Variants in GRID1 observed in about 807,000 individuals in gnomAD.
GRID1 encodes glutamate ionotropic receptor delta type subunit 1.
In GRID1, 28 loss-of-function variants were observed where a neutral mutation model predicts 98.0. The observed-to-expected ratio is 0.29, with a 90% CI of 0.21 to 0.39. GRID1 has a LOEUF of 0.39. Ranked by LOEUF, GRID1 falls within the 10% of genes least tolerant of loss-of-function variation. The pLI is 1.00. For synonymous variants in GRID1, 553 were observed against 538.5 expected (o/e 1.03, Z -0.37); for missense variants, 1,111 against 1,340.5 (o/e 0.83, Z 2.67).
intron 4 of GRID1, among the ~76,000 whole-genome samples, chr10:85,966,644 G>A (rs1050607775): frequency 6.6e-6 from 1 of 151,910 alleles, no homozygotes; most frequent in Non-Finnish European, 1.5e-5. Context: ...CAAAACCCTA[G>A]CTCTACTAAA....
At chr10:86,223,069 G>A (rs2132030742) in intron 2 of GRID1, among the ~76,000 whole-genome samples, 1 of 152,322 alleles carries the variant, frequency 6.6e-6, no homozygotes, top group African/African-American at 2.4e-5. Context: ...TGCTTCTGGG[G>A]AGCACTATGG....
chr10:86,029,817 A>C (rs544250958), intron 4 of GRID1, among the ~76,000 whole-genome samples: 1 of 152,320 alleles, frequency 6.6e-6, no homozygotes, highest in African/African-American at 2.4e-5. Flanking sequence ...GAAAGTGAGT[A>C]GGGTGTCCAT....
chr10:86,268,592 C>T (rs1847140297), intron 2 of GRID1, among the ~76,000 whole-genome samples: 1 of 152,236 alleles, frequency 6.6e-6, no homozygotes, highest in African/African-American at 2.4e-5. Flanking sequence ...AGGCCACCAA[C>T]ACCATTTGCT....
At chr10:86,104,850 G>T (rs1254787424) in intron 4 of GRID1, among the ~76,000 whole-genome samples, 1 of 152,190 alleles carries the variant, frequency 6.6e-6, no homozygotes, top group Admixed American at 6.5e-5. Context: ...TTCATGCATG[G>T]CCGATGAAGT....
intron 5 of GRID1, among the ~76,000 whole-genome samples, chr10:85,895,012 AAAAAAT>A (rs945590456): frequency 8.6e-6 from 1 of 115,966 alleles, no homozygotes; most frequent in African/African-American, 3.0e-5. Context: ...AAAAAAAAAA[AAAAAAT>A]ATATATATAT....
chr10:85,778,360 A>G (rs954245), intron 8 of GRID1, among the ~76,000 whole-genome samples: 99,426 of 151,924 alleles, frequency 0.65, 32,828 homozygotes, highest in East Asian at 0.86. Context: ...GCAGGGGTTG[A>G]GAGGTGGGGA....
intron 4 of GRID1, among the ~76,000 whole-genome samples, chr10:86,001,009 A>G (rs952412686): frequency 1.6e-4 from 25 of 152,282 alleles, no homozygotes; most frequent in Admixed American, 8.5e-4. Context: ...CTACTCTGCA[A>G]TTTTTTAAAA....
intron 8 of GRID1, among the ~76,000 whole-genome samples, chr10:85,734,550 T>C (rs1264834807): frequency 6.6e-6 from 1 of 152,162 alleles, no homozygotes; most frequent in Non-Finnish European, 1.5e-5. Flanking sequence ...TGTACCCTGA[T>C]AAAGCAAGAA....
chr10:86,208,682 C>T (rs530820964), intron 2 of GRID1, among the ~76,000 whole-genome samples: 1 of 152,342 alleles, frequency 6.6e-6, no homozygotes, highest in South Asian at 2.1e-4. Flanking sequence ...GCCTGTGTTA[C>T]TGGCTGGCTC....
At chr10:85,707,969 C>T (rs1302120889) in intron 12 of GRID1, among the ~76,000 whole-genome samples, 4 of 148,560 alleles carry the variant, frequency 2.7e-5, no homozygotes, top group African/African-American at 5.0e-5. Flanking sequence ...GTTGTGGGGT[C>T]GGGGGTGTGG....
chr10:85,650,737 G>A (rs545709148), intron 12 of GRID1, among the ~76,000 whole-genome samples: 6 of 152,318 alleles, frequency 3.9e-5, no homozygotes, highest in South Asian at 2.1e-4. Context: ...TAGAGGCAGC[G>A]AGATGGAGAA....
intron 4 of GRID1, among the ~76,000 whole-genome samples, chr10:85,994,791 A>C (rs1419287297): frequency 6.6e-6 from 1 of 152,238 alleles, no homozygotes; most frequent in African/African-American, 2.4e-5. Context: ...GAGACAGCCT[A>C]CTATGGACCA....
chr10:85,642,617 T>A (rs1259231226), intron 13 of GRID1, among the ~76,000 whole-genome samples: 2 of 152,200 alleles, frequency 1.3e-5, no homozygotes, highest in Non-Finnish European at 2.9e-5. Context: ...CAGGCAGGTT[T>A]GTTGTGAAAA....
At chr10:86,212,265 C>T (rs1254032243) in intron 2 of GRID1, among the ~76,000 whole-genome samples, 5 of 152,204 alleles carry the variant, frequency 3.3e-5, no homozygotes, top group Non-Finnish European at 5.9e-5. Context: ...GGCATCGCTC[C>T]GCAGGCTTGC....
intron 8 of GRID1, among the ~76,000 whole-genome samples, chr10:85,850,473 C>A (rs1283593739): frequency 6.6e-6 from 1 of 152,240 alleles, no homozygotes; most frequent in Non-Finnish European, 1.5e-5. Context: ...ACATCTGCTG[C>A]CAGGCATAGA....
chr10:86,007,435 G>A (rs148155424), intron 4 of GRID1, among the ~76,000 whole-genome samples: 1 of 152,162 alleles, frequency 6.6e-6, no homozygotes, highest in Non-Finnish European at 1.5e-5. Context: ...TTGCCTCAAT[G>A]AGCCTCCAAC....
intron 4 of GRID1, among the ~76,000 whole-genome samples, chr10:86,085,790 G>A (rs2131934039): frequency 6.6e-6 from 1 of 152,176 alleles, no homozygotes; most frequent in Non-Finnish European, 1.5e-5. Flanking sequence ...TGATCCCACA[G>A]CCCGTGGCAT....
chr10:85,834,259 C>T (rs1842893903), intron 8 of GRID1, among the ~76,000 whole-genome samples: 1 of 152,040 alleles, frequency 6.6e-6, no homozygotes, highest in Admixed American at 6.5e-5. Flanking sequence ...CAGAAGAATA[C>T]AAAACTACAG....
chr10:86,288,343 C>T lies in GRID1; in HGVS notation c.235+75598G>A, dbSNP rs138702817. 4.6e-3 allele frequency among the ~76,000 whole-genome samples: 708 copies of T among 152,320 alleles called. 5 individuals are homozygous for T. The highest frequency in any genetic ancestry group is 7.8e-3 in the Non-Finnish European group (533 of 68,028). On this transcript the variant is annotated intron_variant, in intron 2 of 15. Coordinates refer to ENST00000327946, the MANE Select transcript of GRID1 (RefSeq NM_017551.3). ...GCCCACAGTCTCCAGTCTCCAGAGA[C>T]AATAACGGCACCTGCTGTTTGGACA...
Sources: allele counts gnomAD v4.1 joint callset (sites outside exome capture counted in the v4.1 genomes callset), GRCh38; gene constraint gnomAD v4.1.1; transcripts MANE v1.5; gene names NCBI Gene and HGNC (gene_info 2026-07-23, HGNC 2026-07-21).